RGS7: variants seen among roughly 807,000 people sequenced by gnomAD.
RGS7 encodes the protein regulator of G protein signaling 7, also known as regulator of G-protein signaling 7.
Under a neutral mutation model 81.1 loss-of-function variants are expected in RGS7, and 27 were observed. The ratio of observed to expected loss-of-function variants is 0.33; its 90% CI spans 0.25 to 0.46. The LOEUF is 0.46. Ranked by LOEUF, RGS7 falls within the 20% of genes least tolerant of loss-of-function variation. The pLI is 1.00. For missense variants in RGS7, 396 were observed against 607.4 expected, an observed-to-expected ratio of 0.65 and a Z score of 3.66; for synonymous variants, 208 against 207.7, an observed-to-expected ratio of 1.00 and a Z score of -0.01.
At chr1:241,034,433 T>TCC (rs2148741429) in intron 3 of RGS7, among the ~76,000 whole-genome samples, 1 of 152,288 alleles carries the variant, frequency 6.6e-6, no homozygotes, top group East Asian at 1.9e-4. Flanking sequence ...ATCCTTTCAT[T>TCC]TATCAAGCAC....
intron 3 of RGS7, among the ~76,000 whole-genome samples, chr1:241,029,587 T>C (rs1161796906): frequency 6.6e-6 from 1 of 152,208 alleles, no homozygotes; most frequent in East Asian, 1.9e-4. Context: ...TGTTACAACA[T>C]CTGAACAAGA....
intron 2 of RGS7, among the ~76,000 whole-genome samples, chr1:241,261,366 G>T (rs920083368): frequency 2.6e-5 from 4 of 151,884 alleles, no homozygotes; most frequent in Admixed American, 6.6e-5. Flanking sequence ...AAAAATGAGG[G>T]CAATGACACT....
chr1:241,128,777 C>CAAAAAAAAAA, intron 2 of RGS7, among the ~76,000 whole-genome samples: 1 of 77,942 alleles, frequency 1.3e-5, no homozygotes, highest in Non-Finnish European at 2.5e-5. Context: ...GAATAATAGG[C>CAAAAAAAAAA]AAAAAAAAAA....
intron 4 of RGS7, among the ~76,000 whole-genome samples, chr1:240,950,414 T>A (rs1201699520): frequency 1.3e-5 from 2 of 152,222 alleles, no homozygotes; most frequent in African/African-American, 2.4e-5. Flanking sequence ...TTTCTCCAAC[T>A]ACAGTCCCCT....
At chr1:241,023,806 C>T (rs988750121) in intron 3 of RGS7, among the ~76,000 whole-genome samples, 5 of 152,166 alleles carry the variant, frequency 3.3e-5, no homozygotes, top group African/African-American at 7.2e-5. Context: ...AGTGCAATGG[C>T]GCGATCTTGG....
chr1:241,354,310 A>G (rs1428557089), intron 2 of RGS7, among the ~76,000 whole-genome samples: 1 of 152,226 alleles, frequency 6.6e-6, no homozygotes, highest in East Asian at 1.9e-4. Flanking sequence ...ACTTAAAAAT[A>G]CAATACTAAT....
chr1:241,330,191 A>G (rs1224095190), intron 2 of RGS7, among the ~76,000 whole-genome samples: 2 of 152,080 alleles, frequency 1.3e-5, no homozygotes, highest in Admixed American at 6.6e-5. Flanking sequence ...CACCCGCCTC[A>G]GCCTCCCAAA....
At chr1:241,265,113 A>T (rs572982444) in intron 2 of RGS7, among the ~76,000 whole-genome samples, 3 of 152,310 alleles carry the variant, frequency 2.0e-5, no homozygotes, top group Middle Eastern at 3.4e-3. Context: ...GTTACTACAA[A>T]GCCTACCTCC....
chr1:240,870,938 C>T (rs747645336), intron 6 of RGS7, among the ~76,000 whole-genome samples: 10 of 152,168 alleles, frequency 6.6e-5, no homozygotes, highest in Non-Finnish European at 1.5e-4. Context: ...TCACATCTTA[C>T]CTACCTTCCA....
chr1:241,053,028 G>C (rs781704711), intron 3 of RGS7, among the ~76,000 whole-genome samples: 134 of 152,056 alleles, frequency 8.8e-4, no homozygotes, highest in Non-Finnish European at 9.1e-4. Flanking sequence ...ATTTGGAAGG[G>C]GAATCCCTTA....
chr1:240,840,423 G>A (rs1400138410), intron 9 of RGS7, among the ~76,000 whole-genome samples: 2 of 152,024 alleles, frequency 1.3e-5, no homozygotes, highest in South Asian at 2.1e-4. Context: ...ACAGGCATGC[G>A]CCACCATGCC....
At chr1:241,131,682 A>G (rs1355344500) in intron 2 of RGS7, among the ~76,000 whole-genome samples, 1 of 152,230 alleles carries the variant, frequency 6.6e-6, no homozygotes, top group Non-Finnish European at 1.5e-5. Flanking sequence ...ATAACGTGGC[A>G]GCCTTCACTG....
chr1:241,101,218 G>A (rs963112504), intron 2 of RGS7, among the ~76,000 whole-genome samples: 3 of 152,200 alleles, frequency 2.0e-5, no homozygotes, highest in Admixed American at 6.5e-5. Flanking sequence ...ACATGATGCT[G>A]GGCACGGTGG....
At chr1:241,111,648 A>T (rs1326597086) in intron 2 of RGS7, among the ~76,000 whole-genome samples, 1 of 152,136 alleles carries the variant, frequency 6.6e-6, no homozygotes, top group African/African-American at 2.4e-5. Context: ...CAAGTGTAAA[A>T]ACAATCCAGT....
intron 2 of RGS7, among the ~76,000 whole-genome samples, chr1:241,350,178 T>C (rs1419358690): frequency 6.6e-6 from 1 of 152,216 alleles, no homozygotes; most frequent in East Asian, 1.9e-4. Flanking sequence ...AAATTCATCA[T>C]TAAATGATTA....
chr1:241,045,782 A>G (rs138527782), intron 3 of RGS7, among the ~76,000 whole-genome samples: 2 of 152,040 alleles, frequency 1.3e-5, no homozygotes, highest in Non-Finnish European at 2.9e-5. Context: ...TGCTTGAAAA[A>G]TCTCATTTGA....
At chr1:240,795,011 C>T (rs1025710296) in intron 18 of RGS7, among the ~76,000 whole-genome samples, 7 of 151,930 alleles carry the variant, frequency 4.6e-5, no homozygotes, top group Admixed American at 2.6e-4. Flanking sequence ...GGAGAAACCC[C>T]GTCTCTACTA....
intron 2 of RGS7, among the ~76,000 whole-genome samples, chr1:241,100,455 T>C (rs2064649593): frequency 1.3e-5 from 2 of 151,954 alleles, no homozygotes; most frequent in African/African-American, 4.8e-5. Flanking sequence ...GTTCTTGGTA[T>C]CAACGGATGT....
At chr1:240,787,852 A>G (rs1249599075) in intron 18 of RGS7, among the ~76,000 whole-genome samples, 1 of 152,188 alleles carries the variant, frequency 6.6e-6, no homozygotes, top group East Asian at 1.9e-4. Flanking sequence ...AAAAAAATCC[A>G]ATTTTTAAAG....
Sources: gnomAD v4.1 joint callset for allele counts (sites outside exome capture counted in the v4.1 genomes callset) on GRCh38, gnomAD v4.1.1 for gene constraint, MANE v1.5 for transcripts, NCBI Gene and HGNC (gene_info 2026-07-23, HGNC 2026-07-21) for gene names.